The following C4orf54 variants were observed in gnomAD, a reference collection of about 807,000 sequenced individuals.
C4orf54 encodes uncharacterized protein C4orf54.
C4orf54 carries 67 observed loss-of-function variants against 80.1 expected under a neutral mutation model. The ratio of observed to expected loss-of-function variants is 0.84; its 90% confidence interval spans 0.69 to 1.03. The LOEUF is 1.03. C4orf54 is among the 50% of genes least tolerant of loss of function. C4orf54 has a pLI of 0.00. For synonymous variants in C4orf54, 1,000 were observed against 917.0 expected, an observed-to-expected ratio of 1.09 and a Z score of -1.64; for missense variants, 2,434 against 2,253.5, an observed-to-expected ratio of 1.08 and a Z score of -1.62.
Position 99,654,639 on chromosome 4 carries a change from A to C in C4orf54, c.10T>G (p.Phe4Val), listed in dbSNP as rs1460950971. MLS[F>V]HFWKSRGQPT... ...TGACCCCGGGACTTCCAGAAATGAA[A>C]GGAAAGCATGTGCTGTTTCTTGTGA... Residue 4 changes from phenylalanine to valine, a missense_variant, in exon 2 of 3, where the codon TTT (phenylalanine) becomes GTT (valine). Coordinates refer to ENST00000511828, the MANE Select transcript of C4orf54 (RefSeq NM_001354435.2). 2.9e-6 allele frequency: 2 copies of C among 693,454 alleles called. No homozygotes were observed. The highest frequency in any genetic ancestry group is 3.0e-5 in the South Asian group (2 of 67,318). 43.0% of individuals were successfully genotyped at this position (693,454 alleles called of 1,614,324 possible).
In C4orf54 at chr4:99,653,210, G is replaced by A. The variant is rs1726892371; in HGVS notation, c.1439C>T (p.Pro480Leu). ...GGCAGTGCCAGGCCCAGTGGGTGGG[G>A]GAGTGGGGCCACTGTCAGAGGGGCC... ...GSGPSDSGPT[P>L]PPTGPGTAPL... Residue 480 changes from proline to leucine, a missense_variant, in exon 2 of 3, where the codon CCC becomes CTC. Coordinates refer to ENST00000511828, the MANE Select transcript of C4orf54 (RefSeq NM_001354435.2). The A allele has an allele frequency of 6.5e-7, 1 of 1,535,184 alleles. No individual in the cohort carries two copies. Among genetic ancestry groups the A allele is most frequent in the Non-Finnish European group, 8.7e-7 (1 of 1,146,288 alleles).
chr4:99,645,501 G>A (rs1441096730), intron 2 of C4orf54, among the ~76,000 whole-genome samples: 1 of 148,312 alleles, frequency 6.7e-6, no homozygotes, highest in Non-Finnish European at 1.5e-5. Context: ...GCCAATGAAA[G>A]TTTTCTTTTG....
Position 99,649,601 on chromosome 4 carries a change from A to G in C4orf54, c.5048T>C (p.Leu1683Pro), listed in dbSNP as rs1400483796. ...AGCATTGGTGGGCAGCACGGTAGGC[A>G]GAAACCCAGGGTAAATCATGTAGGT... Reference protein sequence around the residue: ...GPTYMIYPGFLPTVLPTNALQ... With the variant: ...GPTYMIYPGFPPTVLPTNALQ... Residue 1683 changes from leucine to proline, a missense_variant, in exon 2 of 3, where the codon CTG (leucine) becomes CCG (proline). Coordinates refer to ENST00000511828, the MANE Select transcript of C4orf54 (RefSeq NM_001354435.2). 6 of 1,536,056 alleles carry G rather than the reference A, an allele frequency of 3.9e-6. No homozygotes were observed. The highest frequency in any genetic ancestry group is 1.4e-5 in the African/African-American group (1 of 73,054).
chr4:99,648,554 A>AGTGTGTGTGTGTGTGTGTGTGTGT (rs60651888), intron 2 of C4orf54, among the ~76,000 whole-genome samples: 117 of 145,828 alleles, frequency 8.0e-4, no homozygotes, highest in African/African-American at 1.6e-3. Context: ...TAGAGAACAA[A>AGTGTGTGTGTGTGTGTGTGTGTGT]GTGTGTGTGT....
chr4:99,655,802 A>C (rs1726969948), intron 1 of C4orf54, among the ~76,000 whole-genome samples: 1 of 152,200 alleles, frequency 6.6e-6, no homozygotes, highest in Non-Finnish European at 1.5e-5. Flanking sequence ...TTCCACCACT[A>C]TACATAGTCT....
Position 99,653,631 on chromosome 4 carries a change from C to T in C4orf54, c.1018G>A (p.Ala340Thr), listed in dbSNP as rs533068157. ...TCCCTGCACTCTGTTCCATCTCCTG[C>T]CCCTCCTCCCCCTCCTCCTTTTCCT... ...GGGKGGGGGG[A>T]GDGTECRDII... The change falls in exon 2 of 3, where the codon GCA (alanine) becomes ACA (threonine). Residue 340 changes from alanine (A) to threonine (T), a missense_variant. Ala to Thr is a moderately conservative substitution (Grantham distance 58). Coordinates refer to ENST00000511828, the MANE Select transcript of C4orf54 (RefSeq NM_001354435.2). The T allele has an allele frequency of 2.6e-6, 4 of 1,534,344 alleles. No individual in the cohort carries two copies. Among genetic ancestry groups the T allele is most frequent in the Admixed American group, 2.0e-5 (1 of 50,906 alleles).
intron 2 of C4orf54, among the ~76,000 whole-genome samples, chr4:99,647,259 C>T (rs1726715561): frequency 6.6e-6 from 1 of 152,142 alleles, no homozygotes; most frequent in South Asian, 2.1e-4. Context: ...GTGCCCGATC[C>T]TCCCTTCTCT....
In C4orf54 at chr4:99,655,675, A is replaced by G. The variant is rs575175725; in HGVS notation, c.-31-996T>C. 1.3e-4 allele frequency among the ~76,000 whole-genome samples: 20 copies of G among 152,254 alleles called. No homozygotes were observed. In the South Asian group the frequency reaches 2.7e-3, roughly 21 times the overall value. ...GTTGTGCAAGCAAATTTGCCAGTCA[A>G]CTTAAGATGGGGGTCTGTGCTGGCC... On this transcript the variant is annotated intron_variant, in intron 1 of 2. Coordinates refer to ENST00000511828, the MANE Select transcript of C4orf54 (RefSeq NM_001354435.2).
chr4:99,649,886 G>T lies in C4orf54; in HGVS notation c.4763C>A (p.Ala1588Glu), dbSNP rs2110252284. ...CFSPPSMPAP[A>E]PAASAPVPTD... is the part of the protein sequence containing the mutation. ...GGGGACGGGAGCTGAGGCTGCAGGTGCTGGGGCAGGCATGCTGGGTGGGGA... is the reference window on the plus strand; with the variant it reads ...GGGGACGGGAGCTGAGGCTGCAGGTTCTGGGGCAGGCATGCTGGGTGGGGA... Residue 1588 changes from alanine (A) to glutamate (E), a missense_variant, in exon 2 of 3, where the codon GCA (alanine) becomes GAA (glutamate). Ala to Glu is a moderately radical substitution (Grantham distance 107, BLOSUM62 -1). Coordinates refer to ENST00000511828, the MANE Select transcript of C4orf54 (RefSeq NM_001354435.2). The T allele has an allele frequency of 6.5e-7, 1 of 1,530,198 alleles. No individual in the cohort carries two copies. Among genetic ancestry groups the T allele is most frequent in the African/African-American group, 1.4e-5 (1 of 73,052 alleles). The allele number at this position is 1,530,198 out of a possible 1,614,324, so 94.8% of individuals were successfully genotyped here.
In C4orf54 at chr4:99,650,333, T is replaced by C; in HGVS notation, c.4316A>G (p.Lys1439Arg). ...AGGTGCCCGGGTGGCTGGAGAGATC[T>C]TGAGGGACCGGAGTCCCTGCGACTT... ...GIKSQGLRSL[K>R]ISPATRAPPD... The change falls in exon 2 of 3, where the codon AAG (lysine) becomes AGG (arginine). Residue 1439 changes from lysine (K) to arginine (R), a missense_variant. Lys to Arg is a conservative substitution (Grantham distance 26). Transcript: ENST00000511828. 1 of 1,536,104 alleles carries C rather than the reference T, an allele frequency of 6.5e-7. No homozygotes were observed.
rs1344607734 is a variant in C4orf54, at chr4:99,649,841, G to A, written c.4808C>T (p.Ala1603Val). ...APVPTDPFQQ[A>V]QPQQTQRKML... is the part of the protein sequence containing the mutation. ...CTTACGCTGGGTCTGTTGAGGCTGT[G>A]CCTGCTGGAAGGGGTCTGTGGGGAC... Residue 1603 changes from alanine to valine, a missense_variant, in exon 2 of 3, where the codon GCA becomes GTA. Coordinates refer to ENST00000511828, the MANE Select transcript of C4orf54 (RefSeq NM_001354435.2). The A allele has an allele frequency of 1.3e-6, 2 of 1,534,446 alleles. No individual in the cohort carries two copies. Among genetic ancestry groups the A allele is most frequent in the Non-Finnish European group, 1.7e-6 (2 of 1,145,372 alleles).
chr4:99,648,999 A>C (rs964164687), intron 2 of C4orf54, among the ~76,000 whole-genome samples: 3 of 152,290 alleles, frequency 2.0e-5, no homozygotes, highest in South Asian at 2.1e-4. Flanking sequence ...ACACTCAGGC[A>C]ATCTGAAAAG....
Position 99,651,847 on chromosome 4 carries a change from G to A in C4orf54, c.2802C>T (p.Gly934=). 2.0e-6 allele frequency: 3 copies of A among 1,536,124 alleles called. No individual in the cohort carries two copies. The highest frequency in any genetic ancestry group is 2.6e-6 in the Non-Finnish European group (3 of 1,146,906). ...IKKSASETVK[G]IFLRSQNSAF... Reference sequence around the variant, plus strand: ...CACTGTTCTGACTACGGAGGAAGATGCCCTTGACGGTCTCTGAGGCACTCT... The same window carrying A: ...CACTGTTCTGACTACGGAGGAAGATACCCTTGACGGTCTCTGAGGCACTCT... Residue 934 remains glycine (G), a synonymous_variant, in exon 2 of 3, where the codon GGC becomes GGT. Coordinates refer to ENST00000511828, the MANE Select transcript of C4orf54 (RefSeq NM_001354435.2).
rs1474369368 is a variant in C4orf54 at position 99,653,640 on chromosome 4, C to A, written c.1009G>T (p.Gly337Ter). The change falls in exon 2 of 3, where the codon GGA (glycine) becomes TGA (stop). Residue 337 changes from glycine (G) to a stop codon, truncating the protein, a stop_gained. Coordinates refer to ENST00000511828, the MANE Select transcript of C4orf54 (RefSeq NM_001354435.2). LOFTEE classifies it high-confidence loss of function. ...TCTGTTCCATCTCCTGCCCCTCCTC[C>A]CCCTCCTCCTTTTCCTCCTCCCCCT... is the stretch of plus-strand genomic sequence containing the variant. ...GGGGGGKGGG[G>*]GGAGDGTECR... is the part of the protein sequence containing the mutation. 6.5e-7 allele frequency: 1 copy of A among 1,533,960 alleles called. No homozygotes were observed. Among genetic ancestry groups the A allele is most frequent in the East Asian group, 2.4e-5 (1 of 40,880 alleles).
rs757717307 is a variant in C4orf54, at chr4:99,651,938, C to T, written c.2711G>A (p.Arg904His). The change falls in exon 2 of 3, where the codon CGC becomes CAC. Residue 904 changes from arginine (R) to histidine (H), a missense_variant. Coordinates refer to ENST00000511828, the MANE Select transcript of C4orf54 (RefSeq NM_001354435.2). ...CCGGCCAGGGCCTGCGTTGCGCTCG[C>T]GAGGAGTACTGGCTTTGAAGACTGG... ...KSPVFKASTP[R>H]ERNAGPGRNF... The T allele has an allele frequency of 4.6e-6, 7 of 1,536,082 alleles. No homozygotes were observed. The highest frequency in any genetic ancestry group is 2.4e-5 in the East Asian group (1 of 40,888).
In C4orf54 at chr4:99,653,668, TC is replaced by T; in HGVS notation, c.980del (p.Gly327GlufsTer49). ...CTCCTCCTTTTCCTCCTCCCCCTCCTCCTGATATTTTCTCTCCTTCTCCTCC... is the reference window on the plus strand; with the variant it reads ...CTCCTCCTTTTCCTCCTCCCCCTCCTCTGATATTTTCTCTCCTTCTCCTCC... ...AVGGEGEKIS[G>X]GGGGGKGGGG... On this transcript the variant is annotated frameshift_variant, in exon 2 of 3. Coordinates refer to ENST00000511828, the MANE Select transcript of C4orf54 (RefSeq NM_001354435.2). LOFTEE classifies it high-confidence loss of function. 1 of 1,518,178 alleles carries T rather than the reference TC, an allele frequency of 6.6e-7. No homozygotes were observed. The highest frequency in any genetic ancestry group is 2.0e-5 in the Admixed American group (1 of 50,246). The allele number at this position is 1,518,178 out of a possible 1,614,324, so 94.0% of individuals were successfully genotyped here.
At chr4:99,647,185 C>T (rs950122661) in intron 2 of C4orf54, among the ~76,000 whole-genome samples, 1 of 152,198 alleles carries the variant, frequency 6.6e-6, no homozygotes, top group African/African-American at 2.4e-5. Context: ...AGTCTAATCT[C>T]TCTAGACTCA....
intron 1 of C4orf54, among the ~76,000 whole-genome samples, 162 bp from the exon 2 acceptor site, chr4:99,654,841 C>T (rs1726954256): frequency 6.6e-6 from 1 of 152,122 alleles, no homozygotes; most frequent in African/African-American, 2.4e-5. Flanking sequence ...TTCAAATCAG[C>T]CAAATGTTCT....
chr4:99,653,086 TAGG>T lies in C4orf54; in HGVS notation c.1560_1562del (p.Leu521del), dbSNP rs1471543718. The T allele has an allele frequency of 1.3e-6, 2 of 1,536,130 alleles. No individual in the cohort carries two copies. Among genetic ancestry groups the T allele is most frequent in the Non-Finnish European group, 1.7e-6 (2 of 1,146,926 alleles). Reference sequence around the variant, plus strand: ...TAGCCCGGGAAGCCGGTTTGATTGATAGGAGGATCTGGCTTGCTGCACTCCCAC... The same window carrying T: ...TAGCCCGGGAAGCCGGTTTGATTGATAGGATCTGGCTTGCTGCACTCCCAC... On this transcript the variant is annotated inframe_deletion, in exon 2 of 3. Coordinates refer to ENST00000511828, the MANE Select transcript of C4orf54 (RefSeq NM_001354435.2).
Sources: gnomAD v4.1 joint callset for allele counts (sites outside exome capture counted in the v4.1 genomes callset) on GRCh38, gnomAD v4.1.1 for gene constraint, MANE v1.5 for transcripts, NCBI Gene and HGNC (gene_info 2026-07-23, HGNC 2026-07-21) for gene names.